Variants in SMC5 observed in about 807,000 individuals in gnomAD.
SMC5 encodes the protein structural maintenance of chromosomes protein 5.
A neutral mutation model predicts 148.3 loss-of-function variants in SMC5; 88 were observed. The observed-to-expected ratio is 0.59, with a 90% CI of 0.50 to 0.71. SMC5 has a LOEUF of 0.71. Among genes scored for constraint, SMC5 ranks in the 30% least tolerant of loss-of-function variants. SMC5 has a pLI of 0.00. For synonymous variants in SMC5, 421 were observed against 432.8 expected (o/e 0.97, Z 0.34); for missense variants, 1,142 against 1,298.9 (o/e 0.88, Z 1.86).
Position 70,302,466 on chromosome 9 carries a change from C to G in SMC5, c.1464+2266C>G, listed in dbSNP as rs141111881. ...TGAGATCACACTGCTACAATCCAGC[C>G]TGGCGACAGAGCTAGACTCCGTCTC... is the stretch of plus-strand genomic sequence containing the variant. On this transcript the variant is annotated intron_variant, in intron 10 of 24. Coordinates refer to ENST00000361138, the MANE Select transcript of SMC5 (RefSeq NM_015110.4). Among the ~76,000 whole-genome samples, 335 of 151,266 alleles carry G rather than the reference C, an allele frequency of 2.2e-3. 2 individuals are homozygous for G. The highest frequency in any genetic ancestry group is 7.8e-3 in the African/African-American group (320 of 41,142).
chr9:70,347,602 TCCCCTGC>T lies in SMC5; in HGVS notation c.2665-9_2665-3del. On this transcript the variant is annotated splice_polypyrimidine_tract_variant and splice_region_variant and intron_variant, in intron 20 of 24. Coordinates refer to ENST00000361138, the MANE Select transcript of SMC5 (RefSeq NM_015110.4). ...GATTTATCTTAAAGAAGTTTTTTTT[TCCCCTGC>T]CAGATTGTTCAGGAATATACAAAAA... 1 of 1,438,990 alleles carries T rather than the reference TCCCCTGC, an allele frequency of 6.9e-7. No individual in the cohort carries two copies. The allele number at this position is 1,438,990 out of a possible 1,614,324, so 89.1% of individuals were successfully genotyped here. A position where few individuals can be genotyped will look rare whatever the true frequency, so the allele number is the denominator to read the frequency against.
chr9:70,295,548 G>GT (rs577623898), intron 8 of SMC5, among the ~76,000 whole-genome samples: 147 of 152,082 alleles, frequency 9.7e-4, no homozygotes, highest in African/African-American at 3.4e-3. Context: ...CAGTATCCTA[G>GT]TGAAGGTAGG....
At chr9:70,296,267 G>A (rs898872558) in intron 8 of SMC5, among the ~76,000 whole-genome samples, 3 of 152,132 alleles carry the variant, frequency 2.0e-5, no homozygotes, top group Admixed American at 6.6e-5. Flanking sequence ...ATGCCATTTA[G>A]TAAAAAGAAT....
intron 2 of SMC5, among the ~76,000 whole-genome samples, chr9:70,265,514 A>G (rs555137561): frequency 6.6e-6 from 1 of 152,336 alleles, no homozygotes; most frequent in South Asian, 2.1e-4. Flanking sequence ...ATATGTGCAG[A>G]TATAATCACA....
At chr9:70,294,672 G>A (rs2035148651) in intron 8 of SMC5, among the ~76,000 whole-genome samples, 2 of 152,168 alleles carry the variant, frequency 1.3e-5, no homozygotes, top group Admixed American at 6.5e-5. Flanking sequence ...TTTTTCAGAA[G>A]TGGTATGATT....
chr9:70,322,264 A>G (rs1255925228), intron 15 of SMC5, among the ~76,000 whole-genome samples: 1 of 152,146 alleles, frequency 6.6e-6, no homozygotes, highest in Non-Finnish European at 1.5e-5. Flanking sequence ...TTCCTATTCA[A>G]TCTTCTGCAA....
At position 70,262,638 on chromosome 9, in the gene SMC5, T is replaced by G. The variant is rs1342308649; in HGVS notation, c.186-1666T>G. Among the ~76,000 whole-genome samples the G allele has an allele frequency of 2.0e-5, 3 of 152,210 alleles. No individual in the cohort carries two copies. The East Asian group carries it at 5.8e-4, about 29-fold the overall frequency. ...AGTTTAAGATGACTGTTATGGGACA[T>G]TCAAATAGCGTTATTGAGGTGACCA... On this transcript the variant is annotated intron_variant, in intron 1 of 24. Coordinates refer to ENST00000361138, the MANE Select transcript of SMC5 (RefSeq NM_015110.4).
chr9:70,320,435 G>A (rs1255208437), intron 15 of SMC5, among the ~76,000 whole-genome samples: 1 of 152,028 alleles, frequency 6.6e-6, no homozygotes, highest in Non-Finnish European at 1.5e-5. Flanking sequence ...AAATATTCAG[G>A]GGGACAAAAA....
At chr9:70,304,617 G>A (rs561181178) in intron 10 of SMC5, among the ~76,000 whole-genome samples, 1 of 152,252 alleles carries the variant, frequency 6.6e-6, no homozygotes, top group African/African-American at 2.4e-5. Flanking sequence ...AACCCGGGAG[G>A]CAGAGGTTGC....
intron 3 of SMC5, among the ~76,000 whole-genome samples, chr9:70,268,403 G>A (rs1284989340): frequency 2.0e-5 from 3 of 151,892 alleles, no homozygotes; most frequent in East Asian, 1.9e-4. Context: ...CCGAGATGGC[G>A]CCACTGCACT....
At chr9:70,305,146 C>T in intron 10 of SMC5, 101 bp from the exon 11 acceptor site, 24 of 542,986 alleles carry the variant, frequency 4.4e-5, no homozygotes, top group South Asian at 7.9e-5. Context: ...CTTGTTTTTT[C>T]TCAAGTATTA....
chr9:70,325,001 T>A (rs980451337), intron 17 of SMC5, among the ~76,000 whole-genome samples: 1 of 152,118 alleles, frequency 6.6e-6, no homozygotes, highest in Non-Finnish European at 1.5e-5. Context: ...GCTTCAGTAC[T>A]CGGGTTTCTT....
chr9:70,297,344 ACT>A (rs1212027390), intron 8 of SMC5, among the ~76,000 whole-genome samples: 2 of 152,130 alleles, frequency 1.3e-5, no homozygotes, highest in East Asian at 3.9e-4. Context: ...ATCATTCCTG[ACT>A]CTCTATTTAT....
intron 3 of SMC5, among the ~76,000 whole-genome samples, chr9:70,271,407 A>C (rs1038362804): frequency 4.6e-5 from 7 of 152,340 alleles, no homozygotes; most frequent in African/African-American, 1.7e-4. Flanking sequence ...GCTCATCATT[A>C]GTTGTTGAAA....
chr9:70,335,540 T>G (rs1053414664), intron 17 of SMC5, among the ~76,000 whole-genome samples: 1 of 152,120 alleles, frequency 6.6e-6, no homozygotes, highest in Non-Finnish European at 1.5e-5. Context: ...AACACCTGAA[T>G]GATTAAACAA....
chr9:70,294,856 A>G (rs1415812260), intron 8 of SMC5, among the ~76,000 whole-genome samples: 2 of 152,182 alleles, frequency 1.3e-5, no homozygotes, highest in African/African-American at 4.8e-5. Flanking sequence ...ACATGATGAC[A>G]GATATAATGA....
chr9:70,339,153 G>A (rs1329809195), intron 17 of SMC5, among the ~76,000 whole-genome samples: 1 of 152,140 alleles, frequency 6.6e-6, no homozygotes, highest in Non-Finnish European at 1.5e-5. Flanking sequence ...GAATGGGCTG[G>A]GCACGGTGGC....
intron 19 of SMC5, 115 bp downstream of exon 19, chr9:70,346,764 T>G: frequency 1.9e-6 from 2 of 1,048,650 alleles, no homozygotes; most frequent in East Asian, 4.7e-5. Context: ...TTCTCTTAAC[T>G]CTCCTGTAGC....
intron 17 of SMC5, among the ~76,000 whole-genome samples, chr9:70,340,520 CAA>C (rs1307956222): frequency 6.6e-6 from 1 of 151,820 alleles, no homozygotes; most frequent in Middle Eastern, 3.2e-3. Flanking sequence ...GTAACTAAAA[CAA>C]ATGGTTAACA....
Sources: allele counts gnomAD v4.1 joint callset (sites outside exome capture counted in the v4.1 genomes callset), GRCh38; gene constraint gnomAD v4.1.1; transcripts MANE v1.5; gene names NCBI Gene and HGNC (gene_info 2026-07-23, HGNC 2026-07-21).